Variants in PDE1C observed in about 807,000 individuals in gnomAD.
The protein encoded by PDE1C is phosphodiesterase 1C.
A neutral mutation model predicts 93.1 loss-of-function variants in PDE1C; 62 were observed. The ratio of observed to expected loss-of-function variants is 0.67; its 90% CI spans 0.54 to 0.82. The LOEUF (loss-of-function observed/expected upper bound fraction) is 0.82. PDE1C is among the 40% of genes least tolerant of loss of function. The probability of loss-of-function intolerance (pLI) is 0.00; values close to 1 mark genes in which losing one functional copy is unlikely to be tolerated. For synonymous variants in PDE1C, 325 were observed against 310.1 expected, an observed-to-expected ratio of 1.05 and a Z score of -0.50; for missense variants, 742 against 884.6, an observed-to-expected ratio of 0.84 and a Z score of 2.04.
chr7:31,686,077 C>T, the PDE1C span, among the ~76,000 whole-genome samples: 2 of 152,212 alleles, frequency 1.3e-5, no homozygotes, highest in African/African-American at 2.4e-5. Flanking sequence ...CAGGGACCTG[C>T]TCTGCAGGGA....
the PDE1C span, among the ~76,000 whole-genome samples, chr7:31,702,175 A>G: frequency 2.6e-5 from 4 of 151,404 alleles, no homozygotes; most frequent in Non-Finnish European, 2.9e-5. Context: ...TAGAATTGTG[A>G]TATGGCTTAA....
chr7:32,338,465 A>G (rs1333262164), intron 1 of PDE1C, among the ~76,000 whole-genome samples: 1 of 152,242 alleles, frequency 6.6e-6, no homozygotes, highest in East Asian at 1.9e-4. Flanking sequence ...AAAACAAAAC[A>G]AAACAAACAA....
intron 2 of PDE1C, among the ~76,000 whole-genome samples, chr7:32,199,714 TTTTTAAATAGAC>T (rs1219906063): frequency 5.3e-5 from 8 of 152,206 alleles, no homozygotes; most frequent in Non-Finnish European, 1.2e-4. Flanking sequence ...TCTTCTGTCA[TTTTTAAATAGAC>T]CTAGTCTTTT....
chr7:32,398,288 G>A (rs1784874391), intron 1 of PDE1C, among the ~76,000 whole-genome samples: 2 of 139,038 alleles, frequency 1.4e-5, no homozygotes, highest in African/African-American at 2.7e-5. Flanking sequence ...GGGTGACAGG[G>A]CGAGACTCCG....
chr7:31,778,857 T>A (rs1783191707), intron 16 of PDE1C, among the ~76,000 whole-genome samples: 1 of 152,202 alleles, frequency 6.6e-6, no homozygotes, highest in Non-Finnish European at 1.5e-5. Flanking sequence ...TTAAGGAACT[T>A]GACTAATGTT....
At chr7:32,170,275 C>G (rs1802559406) in intron 2 of PDE1C, among the ~76,000 whole-genome samples, 1 of 152,036 alleles carries the variant, frequency 6.6e-6, no homozygotes, top group Non-Finnish European at 1.5e-5. Context: ...ATATAAAGCA[C>G]TACCATTTTA....
intron 2 of PDE1C, among the ~76,000 whole-genome samples, chr7:32,032,114 C>T (rs1790407853): frequency 6.6e-6 from 1 of 152,090 alleles, no homozygotes; most frequent in Non-Finnish European, 1.5e-5. Flanking sequence ...AGACATACTT[C>T]CTCATAAGTT....
At chr7:31,631,724 T>A in the PDE1C span, among the ~76,000 whole-genome samples, 1 of 152,188 alleles carries the variant, frequency 6.6e-6, no homozygotes, top group African/African-American at 2.4e-5. Context: ...CTGTAAGACC[T>A]TGAAACCAAA....
chr7:31,878,057 A>C, intron 4 of PDE1C, 21 bp from the exon 5 acceptor site: 1 of 1,561,192 alleles, frequency 6.4e-7, no homozygotes, highest in South Asian at 1.1e-5. Context: ...AAAAGGGAAA[A>C]ATGCAACATG....
At chr7:31,905,110 A>T (rs1245508280) in intron 2 of PDE1C, among the ~76,000 whole-genome samples, 2 of 152,166 alleles carry the variant, frequency 1.3e-5, no homozygotes, top group African/African-American at 4.8e-5. Context: ...AGTTCCATTT[A>T]ATATAATGAA....
chr7:32,024,985 G>A (rs186601838), intron 2 of PDE1C, among the ~76,000 whole-genome samples: 85 of 152,118 alleles, frequency 5.6e-4, no homozygotes, highest in Admixed American at 1.0e-3. Context: ...GTATCTACTC[G>A]GGGGGCTTAA....
At chr7:31,899,130 C>A (rs1348539875) in intron 2 of PDE1C, among the ~76,000 whole-genome samples, 1 of 125,866 alleles carries the variant, frequency 7.9e-6, no homozygotes, top group Admixed American at 8.9e-5. Context: ...TGGGCAGTCC[C>A]ACTTTTTTTT....
At chr7:32,135,203 A>T (rs539457297) in intron 3 of PDE1C, among the ~76,000 whole-genome samples, 3 of 152,076 alleles carry the variant, frequency 2.0e-5, no homozygotes, top group Non-Finnish European at 4.4e-5. Context: ...AATAGAGAAA[A>T]CTGCATTTAC....
chr7:31,789,889 G>A (rs1391210353), intron 16 of PDE1C: 16 of 1,064,966 alleles, frequency 1.5e-5, no homozygotes, highest in Non-Finnish European at 1.7e-5. Flanking sequence ...TATCCAGGAT[G>A]TCCATTCTCA....
At chr7:32,301,203 T>G (rs1402592661), upstream of PDE1C, among the ~76,000 whole-genome samples, 1 of 152,154 alleles carries the variant, frequency 6.6e-6, no homozygotes, top group African/African-American at 2.4e-5. Context: ...TTCCCTGTAT[T>G]TCTCCCATCT....
chr7:32,309,205 A>C (rs1403901622), intron 1 of PDE1C, among the ~76,000 whole-genome samples: 2 of 152,208 alleles, frequency 1.3e-5, no homozygotes, highest in African/African-American at 4.8e-5. Flanking sequence ...GAGAAAAAAG[A>C]ATAAAAAGAA....
intron 1 of PDE1C, among the ~76,000 whole-genome samples, chr7:32,282,026 G>C (rs554460106): frequency 6.6e-6 from 1 of 152,020 alleles, no homozygotes; most frequent in Non-Finnish European, 1.5e-5. Flanking sequence ...AGGGGACGGG[G>C]AGAGATAGCA....
chr7:32,005,350 A>T (rs1786054440), intron 2 of PDE1C, among the ~76,000 whole-genome samples: 2 of 151,922 alleles, frequency 1.3e-5, no homozygotes, highest in Non-Finnish European at 2.9e-5. Flanking sequence ...ATGTCAGGAG[A>T]TCGAGACCAT....
chr7:32,335,226 A>T (rs1315203280), intron 1 of PDE1C, among the ~76,000 whole-genome samples: 2 of 152,210 alleles, frequency 1.3e-5, no homozygotes, highest in African/African-American at 2.4e-5. Flanking sequence ...CAGAGAACGC[A>T]AGTCCACAGT....
Sources: gnomAD v4.1 joint callset for allele counts (sites outside exome capture counted in the v4.1 genomes callset) on GRCh38, gnomAD v4.1.1 for gene constraint, MANE v1.5 for transcripts, NCBI Gene and HGNC (gene_info 2026-07-23, HGNC 2026-07-21) for gene names.